IL1RAPL2: variants seen among roughly 807,000 people sequenced by gnomAD.
The protein encoded by IL1RAPL2 is X-linked interleukin-1 receptor accessory protein-like 2.
In IL1RAPL2, 3 loss-of-function variants were observed where a neutral mutation model predicts 44.1. The ratio of observed to expected loss-of-function variants is 0.07; its 90% CI spans 0.03 to 0.18. The LOEUF (loss-of-function observed/expected upper bound fraction) is 0.18, where lower values mean the gene tolerates loss of function less well. Ranked by LOEUF, IL1RAPL2 falls within the 10% of genes least tolerant of loss-of-function variation. IL1RAPL2 has a pLI of 1.00. For missense variants in IL1RAPL2, 391 were observed against 496.4 expected (o/e 0.79, Z 2.02); for synonymous variants, 181 against 178.8 (o/e 1.01, Z -0.10).
intron 2 of IL1RAPL2, among the ~76,000 whole-genome samples, chrX:105,076,564 T>A (rs932324742): frequency 9.0e-6 from 1 of 111,279 alleles, no homozygotes; most frequent in Non-Finnish European, 1.9e-5. Context: ...TAGGTCCGCT[T>A]GGTGCAGAGC....
At chrX:104,939,041 G>T (rs764319808) in intron 2 of IL1RAPL2, among the ~76,000 whole-genome samples, 1 of 88,844 alleles carries the variant, frequency 1.1e-5, no homozygotes, top group South Asian at 7.0e-4. Context: ...AATCAACAAT[G>T]CATGCTAGCT....
intron 5 of IL1RAPL2, among the ~76,000 whole-genome samples, chrX:105,305,124 C>A (rs2034724962): frequency 9.0e-6 from 1 of 111,570 alleles, no homozygotes; most frequent in African/African-American, 3.3e-5. Context: ...ATGTTCCAAT[C>A]ACCTCCTTCC....
intron 2 of IL1RAPL2, among the ~76,000 whole-genome samples, chrX:105,076,238 T>C (rs932273848): frequency 9.0e-6 from 1 of 111,578 alleles, no homozygotes; most frequent in Non-Finnish European, 1.9e-5. Flanking sequence ...TTCTGGTATG[T>C]TGTGTCTTTG....
chrX:104,818,152 C>G (rs1311064523), intron 2 of IL1RAPL2, among the ~76,000 whole-genome samples: 1 of 108,478 alleles, frequency 9.2e-6, no homozygotes, highest in Non-Finnish European at 1.9e-5. Flanking sequence ...GTCAGGAGAT[C>G]GAGACCACGG....
chrX:105,741,346 C>T (rs752718862), intron 8 of IL1RAPL2, among the ~76,000 whole-genome samples: 1 of 111,881 alleles, frequency 8.9e-6, no homozygotes, highest in Non-Finnish European at 1.9e-5. Context: ...ATCTCAGCAG[C>T]TAGAGTAGCT....
intron 10 of IL1RAPL2, among the ~76,000 whole-genome samples, chrX:105,766,093 C>T (rs779282837): frequency 8.9e-6 from 1 of 112,259 alleles, no homozygotes; most frequent in African/African-American, 3.2e-5. Context: ...TAAATAAATC[C>T]GGAGTTAGTT....
intron 2 of IL1RAPL2, among the ~76,000 whole-genome samples, chrX:104,943,210 C>T (rs1025875292): frequency 9.0e-6 from 1 of 110,552 alleles, no homozygotes; most frequent in African/African-American, 3.3e-5. Context: ...TGGCCTCATA[C>T]CATTCTCATT....
In IL1RAPL2 at chrX:104,804,079, G is replaced by A. The variant is rs189834554; in HGVS notation, c.82+145084G>A. ...TATCTCAGCTAAAGAAGATGAAGAAGTCTTTGGGGGAAATTGTCTTGTGTG... is the reference window on the plus strand; with the variant it reads ...TATCTCAGCTAAAGAAGATGAAGAAATCTTTGGGGGAAATTGTCTTGTGTG... On this transcript the variant is annotated intron_variant, in intron 2 of 10. Coordinates refer to ENST00000372582, the MANE Select transcript of IL1RAPL2 (RefSeq NM_017416.2). 2.4e-3 allele frequency: 271 copies of A among 114,161 alleles called. 2 individuals carry two copies. The highest frequency in any genetic ancestry group is 3.2e-3 in the Non-Finnish European group (171 of 54,126). The allele number at this position is 114,161 out of a possible 1,213,427, so 9.4% of individuals were successfully genotyped here.
At chrX:105,670,314 T>C (rs2037812346) in intron 6 of IL1RAPL2, among the ~76,000 whole-genome samples, 1 of 102,700 alleles carries the variant, frequency 9.7e-6, no homozygotes, top group African/African-American at 3.5e-5. Context: ...TCTTTTTTTT[T>C]TTTTGAGACG....
rs542998238 is a variant in IL1RAPL2, at chrX:104,669,749, G to A, written c.82+10754G>A. On this transcript the variant is annotated intron_variant, in intron 2 of 10. Coordinates refer to ENST00000372582, the MANE Select transcript of IL1RAPL2 (RefSeq NM_017416.2). ...AGGTTTCTAGCAATCCAGTCTTTAT[G>A]TCTCCTCTGAGTTACATGCATTATT... Among the ~76,000 whole-genome samples, 16 of 111,909 alleles carry A rather than the reference G, an allele frequency of 1.4e-4. 1 individual carries two copies. The South Asian group carries it at 6.0e-3, about 42-fold the overall frequency.
At chrX:104,936,797 G>T (rs2147700272) in intron 2 of IL1RAPL2, among the ~76,000 whole-genome samples, 1 of 109,671 alleles carries the variant, frequency 9.1e-6, no homozygotes, top group Non-Finnish European at 1.9e-5. Context: ...TAGTAGAGAT[G>T]GGGTTTCACC....
At chrX:105,079,838 T>G (rs911097178) in intron 2 of IL1RAPL2, among the ~76,000 whole-genome samples, 1 of 111,393 alleles carries the variant, frequency 9.0e-6, no homozygotes, top group South Asian at 3.8e-4. Context: ...GCATTCCTAT[T>G]TCTCCACATC....
chrX:105,736,688 C>A (rs2038452560), intron 7 of IL1RAPL2, among the ~76,000 whole-genome samples: 1 of 111,421 alleles, frequency 9.0e-6, no homozygotes, highest in Non-Finnish European at 1.9e-5. Context: ...TCACACCATT[C>A]AGAATGGCCA....
intron 6 of IL1RAPL2, among the ~76,000 whole-genome samples, chrX:105,625,347 C>T (rs1355125218): frequency 5.4e-5 from 6 of 111,502 alleles, no homozygotes; most frequent in Non-Finnish European, 9.4e-5. Flanking sequence ...AAGTTCATTG[C>T]CCAAAGGGTA....
At chrX:104,805,183 C>G (rs190743136) in intron 2 of IL1RAPL2, among the ~76,000 whole-genome samples, 102 of 111,560 alleles carry the variant, frequency 9.1e-4, no homozygotes, top group Middle Eastern at 4.6e-3. Flanking sequence ...CTCATAAGCC[C>G]ATAGAATCTT....
intron 2 of IL1RAPL2, among the ~76,000 whole-genome samples, chrX:105,053,539 G>A (rs1275756718): frequency 1.8e-5 from 2 of 111,136 alleles, no homozygotes; most frequent in African/African-American, 6.6e-5. Context: ...AAGTGATTGA[G>A]TATAGAATTT....
chrX:104,764,840 G>C (rs1270686177), intron 2 of IL1RAPL2, among the ~76,000 whole-genome samples: 2 of 111,856 alleles, frequency 1.8e-5, no homozygotes, highest in African/African-American at 6.5e-5. Flanking sequence ...TCATTCTGTC[G>C]ATATGTTGTA....
At chrX:105,016,673 C>T (rs746128487) in intron 2 of IL1RAPL2, among the ~76,000 whole-genome samples, 1 of 111,597 alleles carries the variant, frequency 9.0e-6, no homozygotes, top group East Asian at 2.8e-4. Flanking sequence ...CCAACTTGAT[C>T]GTGGTGGATA....
chrX:105,151,505 GT>G (rs1185688442), intron 2 of IL1RAPL2, among the ~76,000 whole-genome samples: 1 of 109,173 alleles, frequency 9.2e-6, no homozygotes, highest in Non-Finnish European at 1.9e-5. Flanking sequence ...GATGTAGAAG[GT>G]TTTTCTGTTT....
Sources: allele counts gnomAD v4.1 joint callset (sites outside exome capture counted in the v4.1 genomes callset), GRCh38; gene constraint gnomAD v4.1.1; transcripts MANE v1.5; gene names NCBI Gene and HGNC (gene_info 2026-07-23, HGNC 2026-07-21).